FAT3: variants seen among roughly 807,000 people sequenced by gnomAD.
FAT3 encodes protocadherin Fat 3.
FAT3 carries 95 observed loss-of-function variants against 310.2 expected under a neutral mutation model. That is an observed-to-expected ratio of 0.31 (90% confidence interval 0.26 to 0.36). The LOEUF (loss-of-function observed/expected upper bound fraction) is 0.36. Ranked by LOEUF, FAT3 falls within the 10% of genes least tolerant of loss-of-function variation. The pLI, the probability that FAT3 is intolerant of heterozygous loss-of-function variation, is 1.00. For synonymous variants in FAT3, 2,314 were observed against 2,192.9 expected (o/e 1.06, Z -1.54); for missense variants, 5,408 against 5,715.6 (o/e 0.95, Z 1.74).
chr11:92,598,861 T>C (rs1260902215), intron 3 of FAT3, among the ~76,000 whole-genome samples: 1 of 152,216 alleles, frequency 6.6e-6, no homozygotes, highest in Non-Finnish European at 1.5e-5. Flanking sequence ...GCTATAACTG[T>C]TCTTAAGATT....
intron 13 of FAT3, among the ~76,000 whole-genome samples, chr11:92,830,581 A>G (rs1468169106): frequency 1.3e-5 from 2 of 152,076 alleles, no homozygotes; most frequent in Non-Finnish European, 2.9e-5. Context: ...TTATGGCTCC[A>G]GCTTGGCCCT....
Position 92,806,475 on chromosome 11 carries a change from T to C in FAT3, c.9207T>C (p.Tyr3069=), listed in dbSNP as rs1393718972. ...GSNGYIRYSL[Y]GSGNSEFFLD... ...ATGGATATATACGATACTCACTCTA[T>C]GGATCTGGAAACAGTGAATTTTTTC... The change falls in exon 12 of 28, where the codon TAT becomes TAC. Residue 3069 remains tyrosine (Y), a synonymous_variant. Coordinates refer to ENST00000525166, the MANE Select transcript of FAT3 (RefSeq NM_001367949.2). 1.3e-6 allele frequency: 2 copies of C among 1,567,776 alleles called. No homozygotes were observed. Among genetic ancestry groups the C allele is most frequent in the Non-Finnish European group, 1.7e-6 (2 of 1,153,868 alleles).
chr11:92,411,499 G>A (rs1950268245), intron 2 of FAT3, among the ~76,000 whole-genome samples: 3 of 152,020 alleles, frequency 2.0e-5, no homozygotes, highest in Admixed American at 2.0e-4. Context: ...CAATTTCACA[G>A]GGCTCACCTG....
At chr11:92,346,882 A>G (rs1483621764) in intron 1 of FAT3, among the ~76,000 whole-genome samples, 1 of 152,126 alleles carries the variant, frequency 6.6e-6, no homozygotes, top group Admixed American at 6.5e-5. Context: ...TTTCTACTGG[A>G]AAATAAAACG....
At chr11:92,530,420 C>G (rs947489108) in intron 3 of FAT3, among the ~76,000 whole-genome samples, 1 of 152,070 alleles carries the variant, frequency 6.6e-6, no homozygotes, top group Non-Finnish European at 1.5e-5. Context: ...TGAGTTACCC[C>G]AACATCTTAC....
chr11:92,361,851 A>G (rs572850520), intron 2 of FAT3, among the ~76,000 whole-genome samples: 1 of 152,240 alleles, frequency 6.6e-6, no homozygotes, highest in African/African-American at 2.4e-5. Context: ...TGCACCAGGC[A>G]CTAGTGACAC....
intron 1 of FAT3, among the ~76,000 whole-genome samples, chr11:92,265,378 T>C (rs545723489): frequency 9.2e-5 from 14 of 152,142 alleles, no homozygotes; most frequent in African/African-American, 3.4e-4. Flanking sequence ...AAGCATGGTG[T>C]TGGGAGCTGC....
chr11:92,779,530 TA>T (rs368043543), intron 7 of FAT3, among the ~76,000 whole-genome samples: 3 of 151,738 alleles, frequency 2.0e-5, no homozygotes, highest in Non-Finnish European at 2.9e-5. Context: ...TGAAATAGAT[TA>T]AAAAAAACCC....
Position 92,488,450 on chromosome 11 carries a change from G to GCCCCCCCC in FAT3, c.3293-36180_3293-36173dup, listed in dbSNP as rs796106709. Among the ~76,000 whole-genome samples the GCCCCCCCC allele has an allele frequency of 4.3e-4, 4 of 9,366 alleles. 1 individual carries two copies. Among genetic ancestry groups the GCCCCCCCC allele is most frequent in the Non-Finnish European group, 9.6e-4 (3 of 3,138 alleles). The allele number at this position is 9,366 out of a possible 152,430, so 6.1% of individuals were successfully genotyped here. The stretch of plus-strand genomic sequence containing the variant: ...TACACAGAAATAAATAACTAGCACC[G>GCCCCCCCC]CCCCCCCCCCCGCCCCCCAACCAGC... On this transcript the variant is annotated intron_variant, in intron 2 of 27. Coordinates refer to ENST00000525166, the MANE Select transcript of FAT3 (RefSeq NM_001367949.2).
intron 2 of FAT3, among the ~76,000 whole-genome samples, chr11:92,387,063 AGT>A (rs67529435): frequency 0.16 from 23,595 of 143,394 alleles, 1,888 homozygotes; most frequent in East Asian, 0.21. Flanking sequence ...TATGGGAGCT[AGT>A]GTGTGTGTGT....
At chr11:92,498,873 A>C (rs774070246) in intron 2 of FAT3, 1 of 152,040 alleles carries the variant, frequency 6.6e-6, no homozygotes, top group Non-Finnish European at 1.5e-5. Flanking sequence ...TGAAGCAACC[A>C]CTTTCTTCTC....
rs569854930 is a variant in FAT3 at position 92,616,543 on chromosome 11, C to A, written c.3608-80841C>A. On this transcript the variant is annotated intron_variant, in intron 3 of 27. Transcript: ENST00000525166. ...TATGATGTTAGCTGGTTATTTTGCT[C>A]GTTAGTTGATGCAGTTTCTTCCTAG... Among the ~76,000 whole-genome samples the A allele has an allele frequency of 3.3e-5, 5 of 152,192 alleles. No homozygotes were observed. The South Asian group carries it at 1.0e-3, about 32-fold the overall frequency.
chr11:92,455,941 T>C (rs1453403041), intron 2 of FAT3, among the ~76,000 whole-genome samples: 3 of 152,192 alleles, frequency 2.0e-5, no homozygotes, highest in African/African-American at 7.2e-5. Context: ...TTTCCATAAA[T>C]AAGACCAAAT....
rs570423845 is a variant in FAT3, at chr11:92,240,576, C to CAAAAAAA, written c.-18+15408_-18+15414dup. Among the ~76,000 whole-genome samples the CAAAAAAA allele has an allele frequency of 3.8e-3, 539 of 140,702 alleles. 8 individuals are homozygous for CAAAAAAA. Among genetic ancestry groups the CAAAAAAA allele is most frequent in the African/African-American group, 0.014 (525 of 38,630 alleles). 92.3% of individuals were successfully genotyped at this position (140,702 alleles called of 152,430 possible). ...TACTTGAAACAAAATGAAACCCCCC[C>CAAAAAAA]AAAAAAAAAAAACCCAAAAAACCAA... On this transcript the variant is annotated intron_variant, in intron 1 of 27. Transcript: ENST00000525166.
chr11:92,291,102 CACACACACACACACAT>C (rs1380380393), intron 1 of FAT3, among the ~76,000 whole-genome samples: 5 of 151,682 alleles, frequency 3.3e-5, no homozygotes, highest in Non-Finnish European at 7.4e-5. Flanking sequence ...CACACACACA[CACACACACACACACAT>C]GCACGCGCGC....
chr11:92,735,557 C>CATAGATAGATAG (rs35680919), intron 4 of FAT3, among the ~76,000 whole-genome samples: 40 of 148,852 alleles, frequency 2.7e-4, no homozygotes, highest in South Asian at 8.6e-4. Context: ...GATGGATGAG[C>CATAGATAGATAG]ATAGATAGAT....
intron 3 of FAT3, among the ~76,000 whole-genome samples, chr11:92,631,760 C>T (rs900752333): frequency 6.6e-6 from 1 of 151,970 alleles, no homozygotes; most frequent in African/African-American, 2.4e-5. Flanking sequence ...AAATTAAAAC[C>T]TATAATTCTT....
chr11:92,556,468 T>C (rs1486202053), intron 3 of FAT3, among the ~76,000 whole-genome samples: 1 of 152,216 alleles, frequency 6.6e-6, no homozygotes, highest in East Asian at 1.9e-4. Context: ...TCAAGTCCTA[T>C]TCCTGACACT....
In FAT3 at chr11:92,534,281, G is replaced by C. The variant is rs1035283519; in HGVS notation, c.3607+9333G>C. ...TTCAGCAATAACCACAGTCCTGGGG[G>C]GGGAGGGGAACAAAACTCTGGGCTC... is the stretch of plus-strand genomic sequence containing the variant. On this transcript the variant is annotated intron_variant, in intron 3 of 27. Transcript: ENST00000525166. 5.3e-5 allele frequency among the ~76,000 whole-genome samples: 8 copies of C among 152,234 alleles called. No homozygotes were observed. The South Asian group carries it at 6.2e-4, about 12-fold the overall frequency.
Sources: gnomAD v4.1 joint callset for allele counts (sites outside exome capture counted in the v4.1 genomes callset) on GRCh38, gnomAD v4.1.1 for gene constraint, MANE v1.5 for transcripts, NCBI Gene and HGNC (gene_info 2026-07-23, HGNC 2026-07-21) for gene names.